Variants in TMEM117 observed in about 807,000 individuals in gnomAD.
TMEM117 encodes transmembrane protein 117.
A neutral mutation model predicts 52.4 loss-of-function variants in TMEM117; 27 were observed. That is an observed-to-expected ratio of 0.51 (90% CI 0.38 to 0.71). The LOEUF (loss-of-function observed/expected upper bound fraction) is 0.71, where lower values mean the gene tolerates loss of function less well. Ranked by LOEUF, TMEM117 falls within the 30% of genes least tolerant of loss-of-function variation. The pLI is 0.00. For missense variants in TMEM117, 556 were observed against 630.5 expected (o/e 0.88, Z 1.26); for synonymous variants, 215 against 206.3 (o/e 1.04, Z -0.36).
At chr12:44,227,333 A>G (rs1466951799) in intron 5 of TMEM117, among the ~76,000 whole-genome samples, 1 of 152,078 alleles carries the variant, frequency 6.6e-6, no homozygotes. Context: ...GCATGGTGGC[A>G]TGTACCTGTA....
In TMEM117 at chr12:44,254,057, C is replaced by T. The variant is rs138783469; in HGVS notation, c.608+42670C>T. 3.1e-4 allele frequency among the ~76,000 whole-genome samples: 42 copies of T among 137,646 alleles called. No individual in the cohort carries two copies. The Middle Eastern group carries it at 0.011, about 37-fold the overall frequency. The allele number at this position is 137,646 out of a possible 152,430, so 90.3% of individuals were successfully genotyped here. ...AGAAGCAGGCTAACCAACTCAATGA[C>T]AACAATAACCACTGTGAAGCAAAAA... is the stretch of plus-strand genomic sequence containing the variant. On this transcript the variant is annotated intron_variant, in intron 5 of 7. Transcript: ENST00000266534.
intron 2 of TMEM117, among the ~76,000 whole-genome samples, chr12:43,871,674 G>A (rs1943707427): frequency 6.6e-6 from 1 of 152,144 alleles, no homozygotes; most frequent in Non-Finnish European, 1.5e-5. Flanking sequence ...CAATATTTGA[G>A]AATTGGATTG....
intron 4 of TMEM117, among the ~76,000 whole-genome samples, chr12:44,191,290 G>A (rs941915614): frequency 1.3e-5 from 2 of 152,138 alleles, no homozygotes; most frequent in South Asian, 4.1e-4. Context: ...GGCATGTAGG[G>A]ATTATAGGAA....
chr12:44,053,642 C>T (rs1947009335), intron 3 of TMEM117, among the ~76,000 whole-genome samples: 1 of 152,158 alleles, frequency 6.6e-6, no homozygotes, highest in South Asian at 2.1e-4. Context: ...CACCCCACAT[C>T]CATGAACCAC....
intron 3 of TMEM117, among the ~76,000 whole-genome samples, chr12:44,038,622 A>C (rs1592463057): frequency 6.6e-6 from 1 of 152,354 alleles, no homozygotes; most frequent in Non-Finnish European, 1.5e-5. Flanking sequence ...AGCAGGCTCG[A>C]GTAAAAACTT....
intron 6 of TMEM117, among the ~76,000 whole-genome samples, chr12:44,370,902 C>G (rs1466293891): frequency 2.6e-5 from 4 of 152,110 alleles, no homozygotes; most frequent in African/African-American, 7.2e-5. Flanking sequence ...ATAGAAAATT[C>G]AGCAGTGAAC....
chr12:44,013,653 G>A (rs905694233), intron 3 of TMEM117, among the ~76,000 whole-genome samples: 4 of 152,136 alleles, frequency 2.6e-5, no homozygotes, highest in African/African-American at 9.7e-5. Flanking sequence ...GTCCTCCGTG[G>A]CTGGGTTCCC....
the TMEM117 span, among the ~76,000 whole-genome samples, chr12:43,816,418 C>T: frequency 6.6e-6 from 1 of 151,908 alleles, no homozygotes; most frequent in African/African-American, 2.4e-5. Context: ...CTACTCATGA[C>T]TTTACTCACC....
chr12:44,332,438 C>T (rs1951283475), intron 6 of TMEM117, among the ~76,000 whole-genome samples: 1 of 151,926 alleles, frequency 6.6e-6, no homozygotes, highest in Admixed American at 6.6e-5. Context: ...ACCAAGTGGG[C>T]TTATTTAAGC....
intron 3 of TMEM117, among the ~76,000 whole-genome samples, chr12:44,018,977 C>T (rs566306845): frequency 5.3e-5 from 8 of 152,256 alleles, no homozygotes; most frequent in African/African-American, 1.7e-4. Flanking sequence ...GTTGGGATTA[C>T]AGGCATGAGC....
At chr12:44,200,346 T>A (rs981794829) in intron 4 of TMEM117, among the ~76,000 whole-genome samples, 6 of 152,080 alleles carry the variant, frequency 3.9e-5, no homozygotes, top group African/African-American at 1.5e-4. Context: ...TCCTACAGAA[T>A]CTCCTATTAC....
At chr12:43,901,199 A>C (rs934527687) in intron 2 of TMEM117, among the ~76,000 whole-genome samples, 3 of 152,252 alleles carry the variant, frequency 2.0e-5, no homozygotes, top group African/African-American at 7.2e-5. Context: ...CTTTCTGAAA[A>C]GAATGAAACA....
chr12:44,303,338 C>A (rs957497358), intron 6 of TMEM117, among the ~76,000 whole-genome samples: 3 of 152,032 alleles, frequency 2.0e-5, no homozygotes, highest in Non-Finnish European at 4.4e-5. Flanking sequence ...CATGAGCCAC[C>A]GTGCCCAGCT....
chr12:44,067,377 G>A (rs1225368307), intron 3 of TMEM117, among the ~76,000 whole-genome samples: 1 of 152,138 alleles, frequency 6.6e-6, no homozygotes, highest in Non-Finnish European at 1.5e-5. Flanking sequence ...AGATACATCA[G>A]AGGAATCACT....
intron 1 of TMEM117, among the ~76,000 whole-genome samples, chr12:43,844,423 G>A (rs550159256): frequency 6.6e-6 from 1 of 152,330 alleles, no homozygotes; most frequent in Admixed American, 6.5e-5. Context: ...GTCCCCAGAT[G>A]ATCAGAGGTA....
chr12:44,202,970 T>C, intron 4 of TMEM117, among the ~76,000 whole-genome samples: 1 of 152,026 alleles, frequency 6.6e-6, no homozygotes, highest in African/African-American at 2.4e-5. Context: ...CTTTTTCATA[T>C]TTTTAGTAGA....
intron 2 of TMEM117, among the ~76,000 whole-genome samples, chr12:43,890,167 A>C (rs1174690957): frequency 6.6e-6 from 1 of 152,192 alleles, no homozygotes; most frequent in Non-Finnish European, 1.5e-5. Flanking sequence ...AAAGGAGAGA[A>C]GTGACATTTA....
chr12:43,962,893 A>C (rs1450804573), intron 3 of TMEM117, among the ~76,000 whole-genome samples: 1 of 151,778 alleles, frequency 6.6e-6, no homozygotes, highest in African/African-American at 2.4e-5. Flanking sequence ...GCACCACTGC[A>C]CTCCAGCCTG....
chr12:44,262,703 C>G (rs1171359483), intron 5 of TMEM117, among the ~76,000 whole-genome samples: 1 of 152,206 alleles, frequency 6.6e-6, no homozygotes, highest in Non-Finnish European at 1.5e-5. Context: ...TCTCCTGCCT[C>G]AGCCTCCTGA....
Sources: allele counts gnomAD v4.1 joint callset (sites outside exome capture counted in the v4.1 genomes callset), GRCh38; gene constraint gnomAD v4.1.1; transcripts MANE v1.5; gene names NCBI Gene and HGNC (gene_info 2026-07-23, HGNC 2026-07-21).